Variants in PNPLA1 observed in about 807,000 individuals in gnomAD.
The protein encoded by PNPLA1 is patatin like domain 1, omega-hydroxyceramide transacylase.
Under a neutral mutation model 51.7 loss-of-function variants are expected in PNPLA1, and 36 were observed. That is an observed-to-expected ratio of 0.70 (90% confidence interval 0.53 to 0.92). PNPLA1 has a LOEUF of 0.92. PNPLA1 is among the 40% of genes least tolerant of loss of function. The pLI, the probability that PNPLA1 is intolerant of heterozygous loss-of-function variation, is 0.00. For synonymous variants in PNPLA1, 293 were observed against 280.1 expected, an observed-to-expected ratio of 1.05 and a Z score of -0.46; for missense variants, 658 against 682.5, an observed-to-expected ratio of 0.96 and a Z score of 0.40.
In PNPLA1 at chr6:36,270,800, T is replaced by C. The variant is rs959900121; in HGVS notation, c.205+136T>C. The C allele has an allele frequency of 2.8e-6, 3 of 1,064,108 alleles. No individual in the cohort carries two copies. In the African/African-American group the frequency reaches 4.7e-5, roughly 17 times the overall value. 65.9% of individuals were successfully genotyped at this position (1,064,108 alleles called of 1,614,324 possible). A position where few individuals can be genotyped will look rare whatever the true frequency, so the allele number is the denominator to read the frequency against. On this transcript the variant is annotated intron_variant, in intron 1 of 8. Transcript: ENST00000636260. ...GGCAGGAAGGGAAGGGAAGAGCTGGTTGGAGTAGGATAGCGGCAGCTGTGA... is the reference window on the plus strand; with the variant it reads ...GGCAGGAAGGGAAGGGAAGAGCTGGCTGGAGTAGGATAGCGGCAGCTGTGA...
intron 1 of PNPLA1, among the ~76,000 whole-genome samples, chr6:36,260,727 A>G (rs1023994731): frequency 1.3e-5 from 2 of 152,214 alleles, no homozygotes; most frequent in Non-Finnish European, 2.9e-5. Flanking sequence ...AAAATATCAT[A>G]CAGATGAATC....
chr6:36,284,964 G>A (rs1356134136), intron 1 of PNPLA1, among the ~76,000 whole-genome samples: 1 of 152,140 alleles, frequency 6.6e-6, no homozygotes, highest in Non-Finnish European at 1.5e-5. Context: ...CTGCAGTGTA[G>A]GGCATAGAAA....
At chr6:36,260,336 G>C (rs1441728214) in intron 1 of PNPLA1, among the ~76,000 whole-genome samples, 2 of 152,044 alleles carry the variant, frequency 1.3e-5, no homozygotes, top group Non-Finnish European at 1.5e-5. Context: ...TTGATGGTGA[G>C]ATACATCTTA....
intron 1 of PNPLA1, 25 bp from the exon 2 acceptor site, chr6:36,291,295 C>T (rs756197667): frequency 6.2e-7 from 1 of 1,602,728 alleles, no homozygotes; most frequent in Non-Finnish European, 8.5e-7. Context: ...CACCGACCAC[C>T]CCCTCTTCTC....
intron 1 of PNPLA1, among the ~76,000 whole-genome samples, chr6:36,247,959 A>G (rs1044165138): frequency 6.6e-6 from 1 of 152,146 alleles, no homozygotes; most frequent in Non-Finnish European, 1.5e-5. Context: ...ATTTTACAAC[A>G]GGAAATTGAG....
At chr6:36,250,849 A>G (rs1296255587) in intron 1 of PNPLA1, among the ~76,000 whole-genome samples, 1 of 152,082 alleles carries the variant, frequency 6.6e-6, no homozygotes, top group Non-Finnish European at 1.5e-5. Context: ...GATTACAGGC[A>G]TACGCCACCA....
intron 6 of PNPLA1, among the ~76,000 whole-genome samples, chr6:36,304,629 GA>G (rs539155104): frequency 0.021 from 1,521 of 71,938 alleles, 12 homozygotes; most frequent in African/African-American, 0.049. Flanking sequence ...TCCGTCTCAG[GA>G]AAAAAAAAAA....
chr6:36,279,541 A>G (rs1770213390), intron 1 of PNPLA1, among the ~76,000 whole-genome samples: 1 of 152,238 alleles, frequency 6.6e-6, no homozygotes, highest in Non-Finnish European at 1.5e-5. Flanking sequence ...CAGTTGAGGA[A>G]TGAGACATAG....
upstream of PNPLA1, among the ~76,000 whole-genome samples, chr6:36,265,300 C>A (rs1028468476): frequency 2.6e-5 from 4 of 152,102 alleles, no homozygotes; most frequent in Admixed American, 1.3e-4. Flanking sequence ...GAGATAGTGC[C>A]ATTGCACTCC....
At chr6:36,303,935 A>T (rs1316845324) in intron 6 of PNPLA1, among the ~76,000 whole-genome samples, 1 of 152,240 alleles carries the variant, frequency 6.6e-6, no homozygotes, top group East Asian at 1.9e-4. Flanking sequence ...CTGGGGCAGT[A>T]TGAAAAGCTT....
chr6:36,259,514 C>T (rs917816599), intron 1 of PNPLA1, among the ~76,000 whole-genome samples: 5 of 152,048 alleles, frequency 3.3e-5, no homozygotes, highest in African/African-American at 1.2e-4. Context: ...CTCCACACAC[C>T]CACATTTTTA....
intron 1 of PNPLA1, among the ~76,000 whole-genome samples, chr6:36,272,777 G>C (rs927872500): frequency 3.3e-5 from 5 of 152,322 alleles, no homozygotes; most frequent in African/African-American, 1.2e-4. Context: ...CAAGCAGGGT[G>C]CCTTCCTGGC....
chr6:36,311,042 CTGAA>C (rs1771397154), intron 8 of PNPLA1, among the ~76,000 whole-genome samples: 1 of 152,218 alleles, frequency 6.6e-6, no homozygotes. Flanking sequence ...GAGAGGGTAT[CTGAA>C]TGCATGGTTC....
At chr6:36,250,093 C>G (rs1769388501) in intron 1 of PNPLA1, among the ~76,000 whole-genome samples, 1 of 152,180 alleles carries the variant, frequency 6.6e-6, no homozygotes, top group South Asian at 2.1e-4. Flanking sequence ...ATTCCCAGCC[C>G]CTTCCTTGTC....
intron 1 of PNPLA1, among the ~76,000 whole-genome samples, chr6:36,253,675 C>T (rs1417207800): frequency 2.6e-5 from 4 of 152,078 alleles, no homozygotes; most frequent in Non-Finnish European, 4.4e-5. Context: ...GACTGGGTCT[C>T]GATATTTTGC....
intron 1 of PNPLA1, among the ~76,000 whole-genome samples, chr6:36,276,284 G>A (rs181795484): frequency 1.3e-5 from 2 of 152,236 alleles, no homozygotes; most frequent in Admixed American, 6.5e-5. Context: ...TCTTCTCAAG[G>A]CCACTTCCCC....
intron 8 of PNPLA1, among the ~76,000 whole-genome samples, chr6:36,308,917 C>T (rs1771324631): frequency 6.6e-6 from 1 of 152,176 alleles, no homozygotes; most frequent in South Asian, 2.1e-4. Context: ...ATTGCTTGAG[C>T]CCAGGAGTTG....
Position 36,270,622 on chromosome 6 carries a change from G to C in PNPLA1, c.163G>C (p.Gly55Arg). ...CCACCGCTTTGCGGGGACATCGGCA[G>C]GTGCTGTGATCGCCGCCCTGGCCAT... ...TAHRFAGTSAGAVIAALAICG... is the reference protein window; with the variant it reads ...TAHRFAGTSARAVIAALAICG... The change falls in exon 1 of 9, where the codon GGT (glycine) becomes CGT (arginine). Residue 55 changes from glycine (G) to arginine (R), a missense_variant. Coordinates refer to ENST00000636260, the MANE Select transcript of PNPLA1 (RefSeq NM_001374623.1). 6.4e-7 allele frequency: 1 copy of C among 1,551,520 alleles called. No homozygotes were observed. The highest frequency in any genetic ancestry group is 8.7e-7 in the Non-Finnish European group (1 of 1,147,010).
rs565557826 is a variant in PNPLA1 at position 36,313,442 on chromosome 6, A to T, written c.*1556A>T. Reference sequence around the variant, plus strand: ...ACCCAGAATGAATGGGTGGAGGACCATACTAAACTGCCCTTTGGAGCCTGA... The same window carrying T: ...ACCCAGAATGAATGGGTGGAGGACCTTACTAAACTGCCCTTTGGAGCCTGA... On this transcript the variant is annotated 3_prime_UTR_variant, in exon 9 of 9. Transcript: ENST00000636260. 6.6e-6 allele frequency among the ~76,000 whole-genome samples: 1 copy of T among 152,324 alleles called. No individual in the cohort carries two copies. The highest frequency in any genetic ancestry group is 1.9e-4 in the East Asian group (1 of 5,184).
Sources: allele counts gnomAD v4.1 joint callset (sites outside exome capture counted in the v4.1 genomes callset), GRCh38; gene constraint gnomAD v4.1.1; transcripts MANE v1.5; gene names NCBI Gene and HGNC (gene_info 2026-07-23, HGNC 2026-07-21).